The following SOX6 variants were observed in gnomAD, a reference collection of about 807,000 sequenced individuals.
SOX6 encodes transcription factor SOX-6.
A neutral mutation model predicts 97.8 loss-of-function variants in SOX6; 11 were observed. The observed-to-expected ratio is 0.11, with a 90% CI of 0.07 to 0.19. The LOEUF (loss-of-function observed/expected upper bound fraction) is 0.19, where lower values mean the gene tolerates loss of function less well. Among genes scored for constraint, SOX6 ranks in the 10% least tolerant of loss-of-function variants. The pLI is 1.00. For missense variants in SOX6, 810 were observed against 1,039.5 expected (o/e 0.78, Z 3.04); for synonymous variants, 360 against 371.4 (o/e 0.97, Z 0.35).
chr11:16,533,683 GGA>G (rs143999623), intron 4 of SOX6, among the ~76,000 whole-genome samples: 1 of 151,848 alleles, frequency 6.6e-6, no homozygotes. Flanking sequence ...CGTTTGAACA[GGA>G]GAGAGAGAGA....
chr11:16,699,685 G>C (rs1564871956), intron 3 of SOX6, among the ~76,000 whole-genome samples: 1 of 151,664 alleles, frequency 6.6e-6, no homozygotes. Flanking sequence ...GATACATTTT[G>C]TGTCTGATTG....
chr11:16,580,439 A>T (rs1018981735), intron 4 of SOX6, among the ~76,000 whole-genome samples: 9 of 104,732 alleles, frequency 8.6e-5, no homozygotes, highest in Admixed American at 1.3e-4. Flanking sequence ...TCAGAAAATT[A>T]AAAAAAAACA....
chr11:16,684,171 A>G (rs536374567), intron 3 of SOX6, among the ~76,000 whole-genome samples: 18 of 152,224 alleles, frequency 1.2e-4, no homozygotes, highest in Admixed American at 4.6e-4. Context: ...AAGACAGTGT[A>G]GCGATTCCTC....
At chr11:16,663,512 G>A (rs986697701) in intron 3 of SOX6, among the ~76,000 whole-genome samples, 90 of 152,076 alleles carry the variant, frequency 5.9e-4, no homozygotes, top group East Asian at 5.8e-4. Flanking sequence ...TTGCAGATAC[G>A]GGGTATCACC....
At chr11:16,036,777 A>T (rs2133893109) in intron 12 of SOX6, among the ~76,000 whole-genome samples, 1 of 152,294 alleles carries the variant, frequency 6.6e-6, no homozygotes, top group East Asian at 1.9e-4. Context: ...CAGTTTCCTA[A>T]AGGCAGGCAC....
intron 3 of SOX6, among the ~76,000 whole-genome samples, chr11:16,625,165 G>A (rs183050763): frequency 6.6e-6 from 1 of 152,056 alleles, no homozygotes; most frequent in Non-Finnish European, 1.5e-5. Context: ...TTTATCACTA[G>A]TTTTCTAGGT....
intron 3 of SOX6, among the ~76,000 whole-genome samples, chr11:16,659,704 A>C (rs562165509): frequency 6.6e-6 from 1 of 152,164 alleles, no homozygotes; most frequent in Non-Finnish European, 1.5e-5. Flanking sequence ...GTTGAGAATT[A>C]GTATGATTTT....
chr11:16,000,760 CAG>C lies in SOX6; in HGVS notation c.1733-11532_1733-11531del, dbSNP rs552007469. On this transcript the variant is annotated intron_variant, in intron 13 of 15. Coordinates refer to ENST00000683767, the MANE Select transcript of SOX6 (RefSeq NM_001367873.1). ...CGTGCGCGTGTGTGTGTGTGAGAGACAGAGACATGAATAGAAAGGCCTAGTTA... is the reference window on the plus strand; with the variant it reads ...CGTGCGCGTGTGTGTGTGTGAGAGACAGACATGAATAGAAAGGCCTAGTTA... 5.9e-5 allele frequency among the ~76,000 whole-genome samples: 9 copies of C among 152,102 alleles called. No homozygotes were observed. In the South Asian group the frequency reaches 1.9e-3, roughly 32 times the overall value.
chr11:16,091,308 G>C (rs1446551140), intron 9 of SOX6, among the ~76,000 whole-genome samples: 2 of 152,078 alleles, frequency 1.3e-5, no homozygotes, highest in Non-Finnish European at 2.9e-5. Context: ...TGGGTAGCCA[G>C]TAATAGGTCA....
At chr11:16,430,833 C>T (rs572845918) in intron 1 of SOX6, among the ~76,000 whole-genome samples, 239 of 152,290 alleles carry the variant, frequency 1.6e-3, no homozygotes, top group Non-Finnish European at 2.1e-3. Context: ...CCTTTTAACA[C>T]GGAAGTCAGA....
chr11:16,314,340 A>C (rs973150815), intron 3 of SOX6: 1 of 152,178 alleles, frequency 6.6e-6, no homozygotes, highest in African/African-American at 2.4e-5. Context: ...TCCAAGACCA[A>C]CTAAGACCCA....
intron 4 of SOX6, among the ~76,000 whole-genome samples, chr11:16,530,933 T>C (rs1861228089): frequency 6.7e-6 from 1 of 148,440 alleles, no homozygotes; most frequent in Admixed American, 6.8e-5. Context: ...ATATTTTATA[T>C]ATATATAGAA....
At chr11:16,550,526 C>T (rs1380234418) in intron 4 of SOX6, among the ~76,000 whole-genome samples, 3 of 151,916 alleles carry the variant, frequency 2.0e-5, no homozygotes, top group Non-Finnish European at 4.4e-5. Flanking sequence ...GTGGTAGTTG[C>T]ATGTTATATA....
chr11:16,164,353 T>C, intron 6 of SOX6, among the ~76,000 whole-genome samples: 1 of 152,230 alleles, frequency 6.6e-6, no homozygotes, highest in East Asian at 1.9e-4. Flanking sequence ...ATAAAATGTA[T>C]GTAAAGTAGT....
chr11:16,558,305 T>C (rs1348587926), intron 4 of SOX6, among the ~76,000 whole-genome samples: 2 of 152,018 alleles, frequency 1.3e-5, no homozygotes, highest in Non-Finnish European at 2.9e-5. Context: ...GAAAACTTCC[T>C]TGACATCACC....
chr11:16,540,308 A>G (rs1056502659), intron 4 of SOX6, among the ~76,000 whole-genome samples: 2 of 152,196 alleles, frequency 1.3e-5, no homozygotes, highest in Admixed American at 6.5e-5. Context: ...TTAGGTATTG[A>G]TGGGACATAT....
intron 4 of SOX6, among the ~76,000 whole-genome samples, chr11:16,594,684 CTTTTT>C (rs10653599): frequency 1.6e-4 from 11 of 68,266 alleles, no homozygotes; most frequent in Non-Finnish European, 2.4e-4. Flanking sequence ...TCGGTTTTTG[CTTTTT>C]TTTTTTTTTT....
intron 1 of SOX6, among the ~76,000 whole-genome samples, chr11:16,350,810 C>T (rs1856925360): frequency 6.6e-6 from 1 of 152,124 alleles, no homozygotes; most frequent in African/African-American, 2.4e-5. Context: ...CAGGGATCAT[C>T]TGTCTTGTTC....
chr11:16,555,089 T>G (rs1847735879), intron 4 of SOX6, among the ~76,000 whole-genome samples: 1 of 151,886 alleles, frequency 6.6e-6, no homozygotes, highest in Admixed American at 6.6e-5. Flanking sequence ...GGAAAACATC[T>G]CAATCTCAAT....
Sources: allele counts gnomAD v4.1 joint callset (sites outside exome capture counted in the v4.1 genomes callset), GRCh38; gene constraint gnomAD v4.1.1; transcripts MANE v1.5; gene names NCBI Gene and HGNC (gene_info 2026-07-23, HGNC 2026-07-21).